The following PCDHGA8 variants were observed in gnomAD, a reference collection of about 807,000 sequenced individuals.
PCDHGA8 encodes protocadherin gamma subfamily A, 8, also known as protocadherin gamma-A8.
In PCDHGA8, 45 loss-of-function variants were observed where a neutral mutation model predicts 59.2. That is an observed-to-expected ratio of 0.76 (90% CI 0.60 to 0.98). PCDHGA8 has a LOEUF of 0.98. PCDHGA8 is among the 50% of genes least tolerant of loss of function. The pLI, the probability that PCDHGA8 is intolerant of heterozygous loss-of-function variation, is 0.00. For missense variants in PCDHGA8, 1,257 were observed against 1,196.2 expected (o/e 1.05, Z -0.75); for synonymous variants, 531 against 519.0 (o/e 1.02, Z -0.32).
At chr5:141,418,966 C>T (rs754269610) in intron 1 of PCDHGA8, 44 of 1,613,892 alleles carry the variant, frequency 2.7e-5, no homozygotes, top group Non-Finnish European at 3.6e-5. Flanking sequence ...TTGCCCTCTT[C>T]AAAACACGGG....
At chr5:141,453,145 G>A (rs1329081754) in intron 1 of PCDHGA8, among the ~76,000 whole-genome samples, 3 of 151,752 alleles carry the variant, frequency 2.0e-5, no homozygotes, top group Admixed American at 6.6e-5. Context: ...ATAGGGTCTC[G>A]CTATGTCACC....
At position 141,489,300 on chromosome 5, in the gene PCDHGA8, C is replaced by T; in HGVS notation, c.2425-5507C>T. 1 of 1,585,700 alleles carries T rather than the reference C, an allele frequency of 6.3e-7. No individual in the cohort carries two copies. The highest frequency in any genetic ancestry group is 1.3e-5 in the African/African-American group (1 of 74,388). On this transcript the variant is annotated intron_variant, in intron 1 of 3. Coordinates refer to ENST00000398604, the MANE Select transcript of PCDHGA8 (RefSeq NM_032088.2). This position sits in a 1 kb window ranked among gnomAD's most constrained non-coding sequence, Gnocchi z 4.5. The stretch of plus-strand genomic sequence containing the variant: ...AATGGCAAGTGCTGTGCATGTTGTC[C>T]TTGTGCTGCTGGGGCTGGGTGTCTG...
intron 2 of PCDHGA8, among the ~76,000 whole-genome samples, chr5:141,501,092 C>A: frequency 6.6e-6 from 1 of 152,118 alleles, no homozygotes; most frequent in East Asian, 1.9e-4. Flanking sequence ...TGGTCTCAAT[C>A]TCTTGACCTC....
rs776824024 is a variant in PCDHGA8, at chr5:141,394,790, G to T, written c.1977G>T (p.Thr659=). The T allele has an allele frequency of 6.2e-7, 1 of 1,613,718 alleles. No individual in the cohort carries two copies. The highest frequency in any genetic ancestry group is 8.5e-7 in the Non-Finnish European group (1 of 1,180,006). The change falls in exon 1 of 4, where the codon ACG becomes ACT. Residue 659 remains threonine, a synonymous_variant. Transcript: ENST00000398604. ...HGQPPLSATV[T]LTVAVADSIP... is the part of the protein sequence containing the mutation. ...AGCCCCCTCTCTCCGCCACTGTCAC[G>T]CTCACCGTAGCCGTGGCTGACAGCA...
chr5:141,452,054 C>T (rs578157525), intron 1 of PCDHGA8, among the ~76,000 whole-genome samples: 2 of 152,078 alleles, frequency 1.3e-5, no homozygotes, highest in Admixed American at 1.3e-4. Flanking sequence ...TTTGTAATAA[C>T]TTATTCTACT....
In PCDHGA8 at chr5:141,485,869, G is replaced by A; in HGVS notation, c.2425-8938G>A. On this transcript the variant is annotated intron_variant, in intron 1 of 3. Coordinates refer to ENST00000398604, the MANE Select transcript of PCDHGA8 (RefSeq NM_032088.2). The surrounding 1 kb of genome is among the most constrained non-coding windows in gnomAD (Gnocchi z 5.7). ...GCACCGCAGAGCTCCGGGTATCCGT[G>A]CTGGACGTAAACGACAACGCCCCAG... is the stretch of plus-strand genomic sequence containing the variant. 1 of 1,614,176 alleles carries A rather than the reference G, an allele frequency of 6.2e-7. No individual in the cohort carries two copies. The highest frequency in any genetic ancestry group is 8.5e-7 in the Non-Finnish European group (1 of 1,180,040).
Position 141,511,703 on chromosome 5 carries a change from T to G in PCDHGA8, c.*530T>G, listed in dbSNP as rs148447880. On this transcript the variant is annotated 3_prime_UTR_variant, in exon 4 of 4. Coordinates refer to ENST00000398604, the MANE Select transcript of PCDHGA8 (RefSeq NM_032088.2). ...AAAGCATGGTTTGGTGCCAGCCCCT[T>G]CACCTCCTTCCAGAGCCCAAGATCA... The G allele has an allele frequency of 1.1e-4, 21 of 189,942 alleles. No homozygotes were observed. In the East Asian group the frequency reaches 2.4e-3, roughly 22 times the overall value. 11.8% of individuals were successfully genotyped at this position (189,942 alleles called of 1,614,324 possible).
chr5:141,396,695 T>G (rs920549434), intron 1 of PCDHGA8: 1 of 152,226 alleles, frequency 6.6e-6, no homozygotes, highest in Non-Finnish European at 1.5e-5. Context: ...CATACCTTCT[T>G]GTAGCATTTG....
rs776718024 is a variant in PCDHGA8 at position 141,486,333 on chromosome 5, T to C, written c.2425-8474T>C. 8.1e-6 allele frequency: 13 copies of C among 1,614,080 alleles called. No individual in the cohort carries two copies. Among genetic ancestry groups the C allele is most frequent in the Non-Finnish European group, 1.1e-5 (13 of 1,179,998 alleles). On this transcript the variant is annotated intron_variant, in intron 1 of 3. Coordinates refer to ENST00000398604, the MANE Select transcript of PCDHGA8 (RefSeq NM_032088.2). The surrounding 1 kb of genome is among the most constrained non-coding windows in gnomAD (Gnocchi z 5.0). ...TCAGGGTCAAACGGAGATGTGAGCC[T>C]CCGCATTCCTGACCACTTGCCATTT...
intron 1 of PCDHGA8, chr5:141,413,132 A>C (rs1313665743): frequency 1.3e-6 from 2 of 1,542,144 alleles, no homozygotes; most frequent in Admixed American, 4.0e-5. Context: ...GAAACACACA[A>C]CGTGTCCAGT....
rs751034521 is a variant in PCDHGA8, at chr5:141,405,112, C to A, written c.2424+9875C>A. ...TGGCCCTCAGGCTGAGGCACTGGCA[C>A]TCCTCGCATCTGCTGCGGGCTACCA... On this transcript the variant is annotated intron_variant, in intron 1 of 3. Coordinates refer to ENST00000398604, the MANE Select transcript of PCDHGA8 (RefSeq NM_032088.2). 4.5e-5 allele frequency: 73 copies of A among 1,613,868 alleles called. 1 individual carries two copies. The Middle Eastern group carries it at 5.9e-3, about 131-fold the overall frequency.
At chr5:141,408,226 GCGCCGGGCCGGCC>G (rs2095062452) in intron 1 of PCDHGA8, 1 of 1,562,288 alleles carries the variant, frequency 6.4e-7, no homozygotes, top group South Asian at 1.2e-5. Flanking sequence ...GCGCGCAGAG[GCGCCGGGCCGGCC>G]CGCGGCAGGT....
chr5:141,459,289 A>G (rs2098965378), intron 1 of PCDHGA8, among the ~76,000 whole-genome samples: 1 of 152,216 alleles, frequency 6.6e-6, no homozygotes, highest in Non-Finnish European at 1.5e-5. Flanking sequence ...ATCTAAATGG[A>G]ATCCTATAAC....
At chr5:141,505,344 AGCT>A in intron 2 of PCDHGA8, 46 bp from the exon 3 acceptor site, 1 of 1,613,046 alleles carries the variant, frequency 6.2e-7, no homozygotes, top group South Asian at 1.1e-5. Flanking sequence ...GAGGGGCATG[AGCT>A]GTGCCGGCCT....
intron 1 of PCDHGA8, chr5:141,411,017 A>C (rs140607036): frequency 6.2e-6 from 1 of 162,372 alleles, no homozygotes; most frequent in Non-Finnish European, 1.3e-5. Context: ...CCACAGCTAA[A>C]TTTTTTGTAT....
rs202006594 is a variant in PCDHGA8 at position 141,477,618 on chromosome 5, C to G, written c.2425-17189C>G. On this transcript the variant is annotated intron_variant, in intron 1 of 3. Coordinates refer to ENST00000398604, the MANE Select transcript of PCDHGA8 (RefSeq NM_032088.2). The surrounding 1 kb of genome is among the most constrained non-coding windows in gnomAD (Gnocchi z 4.9). ...TCTTTCTTTCTCTTGGAGCAAGGAGCTGAAACCGGGCTAGTGGGTCGCTAT... is the reference window on the plus strand; with the variant it reads ...TCTTTCTTTCTCTTGGAGCAAGGAGGTGAAACCGGGCTAGTGGGTCGCTAT... 6.2e-7 allele frequency: 1 copy of G among 1,614,176 alleles called. No individual in the cohort carries two copies. Among genetic ancestry groups the G allele is most frequent in the East Asian group, 2.2e-5 (1 of 44,890 alleles).
rs764957747 is a variant in PCDHGA8, at chr5:141,505,453, G to A, written c.2544G>A (p.Leu848=). Residue 848 remains leucine (L), a synonymous_variant, in exon 3 of 4, where the codon CTG becomes CTA. Coordinates refer to ENST00000398604, the MANE Select transcript of PCDHGA8 (RefSeq NM_032088.2). ...ACAACCAGTTTGACACAGAGATGCT[G>A]CAAGCCATGATCTTGGCGTCCGCCA... ...WPNNQFDTEM[L]QAMILASASE... 3 of 1,614,190 alleles carry A rather than the reference G, an allele frequency of 1.9e-6. No individual in the cohort carries two copies. Among genetic ancestry groups the A allele is most frequent in the Non-Finnish European group, 2.5e-6 (3 of 1,180,012 alleles).
At chr5:141,433,321 G>T in intron 1 of PCDHGA8, 1 of 788,106 alleles carries the variant, frequency 1.3e-6, no homozygotes. Flanking sequence ...TGCCTCCGGT[G>T]TAACAGGGAC....
intron 1 of PCDHGA8, chr5:141,410,165 T>G: frequency 1.9e-6 from 3 of 1,613,714 alleles, no homozygotes; most frequent in Non-Finnish European, 2.5e-6. Flanking sequence ...GCCGCCACTC[T>G]CTGCCACCGC....
Sources: allele counts gnomAD v4.1 joint callset (sites outside exome capture counted in the v4.1 genomes callset), GRCh38; gene constraint gnomAD v4.1.1; non-coding constraint Gnocchi (gnomAD v3.1); transcripts MANE v1.5; gene names NCBI Gene and HGNC (gene_info 2026-07-23, HGNC 2026-07-21).